Variants in UBE3D observed in about 807,000 individuals in gnomAD.
UBE3D encodes the protein E3 ubiquitin-protein ligase E3D.
Under a neutral mutation model 49.6 loss-of-function variants are expected in UBE3D, and 48 were observed. That is an observed-to-expected ratio of 0.97 (90% confidence interval 0.77 to 1.23). UBE3D has a LOEUF of 1.23. Ranked by LOEUF, UBE3D falls within the 50% of genes most tolerant of loss-of-function variation. The probability of loss-of-function intolerance (pLI) is 0.00; values close to 1 mark genes in which losing one functional copy is unlikely to be tolerated. For synonymous variants in UBE3D, 189 were observed against 174.2 expected (o/e 1.08, Z -0.67); for missense variants, 452 against 468.4 (o/e 0.96, Z 0.32).
At chr6:82,906,003 A>C (rs1054284190) in intron 9 of UBE3D, among the ~76,000 whole-genome samples, 4 of 152,186 alleles carry the variant, frequency 2.6e-5, no homozygotes, top group Non-Finnish European at 4.4e-5. Flanking sequence ...CATATAATTC[A>C]GTATATATCT....
In UBE3D at chr6:83,000,379, T is replaced by C. The variant is rs557774973; in HGVS notation, c.1010+18594A>G. 4.6e-4 allele frequency among the ~76,000 whole-genome samples: 70 copies of C among 152,316 alleles called. 1 individual carries two copies. In the South Asian group the frequency reaches 0.012, roughly 27 times the overall value. ...TTCCAATATTATCTATCCCAGTATA[T>C]AGTGGCCCATTCCTCAAATCCAATC... On this transcript the variant is annotated intron_variant, in intron 8 of 9. Transcript: ENST00000369747.
chr6:82,951,923 A>G (rs1164526817), intron 9 of UBE3D, among the ~76,000 whole-genome samples: 1 of 152,212 alleles, frequency 6.6e-6, no homozygotes, highest in Non-Finnish European at 1.5e-5. Context: ...AAGAATGTAC[A>G]TAAGGGTCTT....
chr6:83,017,593 G>C (rs1780782991), intron 8 of UBE3D: 1 of 152,148 alleles, frequency 6.6e-6, no homozygotes, highest in Non-Finnish European at 1.5e-5. Context: ...AATCACATCA[G>C]ATAGGCAAAA....
intron 8 of UBE3D, among the ~76,000 whole-genome samples, chr6:82,984,072 CTG>C (rs368468117): frequency 3.5e-4 from 54 of 152,274 alleles, no homozygotes; most frequent in African/African-American, 1.2e-3. Context: ...GTTCTGTTCA[CTG>C]TCTTTTCTTC....
At chr6:83,060,567 CAGTGATGAGTACACTT>C (rs1315936228) in intron 1 of UBE3D, among the ~76,000 whole-genome samples, 1 of 152,178 alleles carries the variant, frequency 6.6e-6, no homozygotes, top group Non-Finnish European at 1.5e-5. Flanking sequence ...CGACATCCAA[CAGTGATGAGTACACTT>C]AGTGCCCAGA....
chr6:83,005,638 GA>G (rs1035049854), intron 8 of UBE3D, among the ~76,000 whole-genome samples: 1 of 140,916 alleles, frequency 7.1e-6, no homozygotes, highest in African/African-American at 2.6e-5. Flanking sequence ...TTAATTAAAA[GA>G]AAAAAAAAAG....
chr6:83,049,190 A>C (rs1562227406), intron 3 of UBE3D, among the ~76,000 whole-genome samples: 2 of 152,218 alleles, frequency 1.3e-5, no homozygotes, highest in African/African-American at 2.4e-5. Context: ...AAGGAAAATA[A>C]AATTATGCCC....
At chr6:83,039,092 A>T (rs1782466429) in intron 4 of UBE3D, among the ~76,000 whole-genome samples, 1 of 152,252 alleles carries the variant, frequency 6.6e-6, no homozygotes, top group African/African-American at 2.4e-5. Context: ...CAAATTCGCT[A>T]TTTGAGATAC....
chr6:83,060,190 AC>A (rs1784085046), intron 1 of UBE3D, among the ~76,000 whole-genome samples: 1 of 152,096 alleles, frequency 6.6e-6, no homozygotes. Context: ...TCAGTCCATA[AC>A]AGGGTCCAAG....
chr6:82,961,854 C>T (rs1366618587), intron 8 of UBE3D, among the ~76,000 whole-genome samples: 6 of 151,402 alleles, frequency 4.0e-5, no homozygotes, highest in Non-Finnish European at 7.4e-5. Context: ...CCCAGCTACT[C>T]GGGAGGCTGA....
intron 8 of UBE3D, among the ~76,000 whole-genome samples, chr6:82,973,185 G>C (rs1273955394): frequency 6.6e-6 from 1 of 152,134 alleles, no homozygotes; most frequent in Non-Finnish European, 1.5e-5. Context: ...TTGGCATAGA[G>C]AAAAATTCAT....
At chr6:83,006,592 T>C (rs1443428683) in intron 8 of UBE3D, among the ~76,000 whole-genome samples, 1 of 152,146 alleles carries the variant, frequency 6.6e-6, no homozygotes, top group Non-Finnish European at 1.5e-5. Context: ...CAACCCTTGA[T>C]CTTGGACTTT....
chr6:82,912,253 T>C (rs975633656), intron 9 of UBE3D, among the ~76,000 whole-genome samples: 2 of 152,304 alleles, frequency 1.3e-5, no homozygotes, highest in South Asian at 2.1e-4. Flanking sequence ...CTTTATCATT[T>C]TTACTCCTCT....
intron 6 of UBE3D, 71 bp from the exon 7 acceptor site, chr6:83,022,632 A>G: frequency 9.1e-7 from 1 of 1,102,784 alleles, no homozygotes; most frequent in Admixed American, 3.2e-5. Flanking sequence ...TAAGCAAAAA[A>G]TACACACACG....
At chr6:83,001,944 C>T (rs1779664594) in intron 8 of UBE3D, among the ~76,000 whole-genome samples, 1 of 149,490 alleles carries the variant, frequency 6.7e-6, no homozygotes, top group Non-Finnish European at 1.5e-5. Flanking sequence ...TTTTTTTTTT[C>T]AGCTGTGGAA....
intron 8 of UBE3D, among the ~76,000 whole-genome samples, chr6:83,000,845 CT>C (rs36049759): frequency 0.013 from 1,892 of 140,894 alleles, 11 homozygotes; most frequent in Non-Finnish European, 0.018. Flanking sequence ...AGCATCAATT[CT>C]TTTTTTTTTT....
chr6:83,039,894 C>T (rs1782534772), intron 4 of UBE3D, among the ~76,000 whole-genome samples: 1 of 152,070 alleles, frequency 6.6e-6, no homozygotes, highest in Non-Finnish European at 1.5e-5. Flanking sequence ...CCCACCTTGG[C>T]CTCCCTAAGT....
chr6:83,044,554 T>C lies in UBE3D; in HGVS notation c.471A>G (p.Gln157=). The change falls in exon 4 of 10, where the codon CAA becomes CAG. Residue 157 remains glutamine (Q), a synonymous_variant. Transcript: ENST00000369747. The part of the protein sequence containing the change: ...DPFANKSLHP[Q]ENDCFIGDSF... ...AGTCTCCAATAAAACAGTCATTCTC[T>C]TGCGGATGAAGTGATTTATTAGCAA... The C allele has an allele frequency of 3.1e-6, 5 of 1,614,150 alleles. No individual in the cohort carries two copies. The highest frequency in any genetic ancestry group is 1.3e-5 in the African/African-American group (1 of 75,052).
chr6:82,887,381 C>A, the UBE3D span, among the ~76,000 whole-genome samples: 2 of 77,156 alleles, frequency 2.6e-5, no homozygotes, highest in African/African-American at 7.5e-5. Flanking sequence ...TTGGAGGAGA[C>A]AGTAACAGTT....
Sources: allele counts gnomAD v4.1 joint callset (sites outside exome capture counted in the v4.1 genomes callset), GRCh38; gene constraint gnomAD v4.1.1; transcripts MANE v1.5; gene names NCBI Gene and HGNC (gene_info 2026-07-23, HGNC 2026-07-21).